The following ERC1 variants were observed in gnomAD, a reference collection of about 807,000 sequenced individuals.
ERC1 encodes the protein ELKS/RAB6-interacting/CAST family member 1.
In ERC1, 56 loss-of-function variants were observed where a neutral mutation model predicts 132.0. That is an observed-to-expected ratio of 0.42 (90% CI 0.34 to 0.53). The LOEUF (loss-of-function observed/expected upper bound fraction) is 0.53. ERC1 is among the 20% of genes least tolerant of loss of function. The probability of loss-of-function intolerance (pLI) is 0.03; values close to 1 mark genes in which losing one functional copy is unlikely to be tolerated. For synonymous variants in ERC1, 478 were observed against 476.1 expected (o/e 1.00, Z -0.05); for missense variants, 1,202 against 1,349.9 (o/e 0.89, Z 1.72).
At chr12:1,423,050 A>G (rs1337075632) in intron 17 of ERC1, among the ~76,000 whole-genome samples, 4 of 152,182 alleles carry the variant, frequency 2.6e-5, no homozygotes, top group African/African-American at 9.7e-5. Flanking sequence ...GAGTTCCTAC[A>G]TAAACAAACT....
At chr12:1,268,363 T>C (rs1301597121) in intron 14 of ERC1, among the ~76,000 whole-genome samples, 1 of 152,248 alleles carries the variant, frequency 6.6e-6, no homozygotes, top group African/African-American at 2.4e-5. Context: ...AAAAAAATCT[T>C]GTGCTTTTCC....
intron 12 of ERC1, among the ~76,000 whole-genome samples, chr12:1,219,117 C>G (rs999568942): frequency 7.2e-5 from 11 of 152,118 alleles, no homozygotes; most frequent in African/African-American, 2.7e-4. Flanking sequence ...AGGTGATCCA[C>G]CCGCCTTGGC....
intron 8 of ERC1, among the ~76,000 whole-genome samples, chr12:1,159,804 C>T (rs1017496196): frequency 9.9e-5 from 15 of 152,032 alleles, no homozygotes; most frequent in East Asian, 1.9e-4. Context: ...ATTCATGTTC[C>T]GTTCACGGCC....
chr12:1,421,716 G>GAAA (rs2092436558), intron 17 of ERC1, among the ~76,000 whole-genome samples: 1 of 152,034 alleles, frequency 6.6e-6, no homozygotes, highest in East Asian at 1.9e-4. Context: ...AGCAATTTTA[G>GAAA]AAAAGTAAGC....
chr12:1,260,860 C>T (rs566135151), intron 13 of ERC1, among the ~76,000 whole-genome samples: 1 of 152,106 alleles, frequency 6.6e-6, no homozygotes, highest in East Asian at 1.9e-4. Context: ...CAGCCATTTC[C>T]TTTTATTTGT....
At chr12:1,163,620 A>G (rs1335532060) in intron 8 of ERC1, among the ~76,000 whole-genome samples, 1 of 152,236 alleles carries the variant, frequency 6.6e-6, no homozygotes, top group Non-Finnish European at 1.5e-5. Context: ...GGAAGTGTCT[A>G]TGATTGGATG....
intron 2 of ERC1, among the ~76,000 whole-genome samples, chr12:1,068,989 G>C (rs1449833647): frequency 6.6e-6 from 1 of 152,068 alleles, no homozygotes. Flanking sequence ...AGAAACATAA[G>C]GTCTTATATT....
intron 12 of ERC1, among the ~76,000 whole-genome samples, chr12:1,226,743 C>A (rs764621425): frequency 3.9e-5 from 6 of 152,174 alleles, no homozygotes; most frequent in South Asian, 4.1e-4. Flanking sequence ...GTGGCGTAGT[C>A]TCGGCTCACT....
intron 17 of ERC1, among the ~76,000 whole-genome samples, chr12:1,417,731 A>G (rs11608725): frequency 0.015 from 2,309 of 151,604 alleles, 27 homozygotes; most frequent in Non-Finnish European, 0.026. Context: ...CAGTGAGCCA[A>G]GATTGTGCCA....
intron 1 of ERC1, among the ~76,000 whole-genome samples, chr12:1,015,404 A>AT (rs951297167): frequency 3.3e-5 from 5 of 151,888 alleles, no homozygotes; most frequent in South Asian, 2.1e-4. Context: ...CCTGAAAGAA[A>AT]TTTTTTTTAA....
intron 15 of ERC1, among the ~76,000 whole-genome samples, chr12:1,353,238 G>A (rs899687215): frequency 1.3e-5 from 2 of 151,962 alleles, no homozygotes; most frequent in Admixed American, 6.6e-5. Flanking sequence ...CACCGTGTTA[G>A]CCAGGATGGT....
At chr12:1,156,101 A>G (rs1377586324) in intron 8 of ERC1, among the ~76,000 whole-genome samples, 2 of 152,146 alleles carry the variant, frequency 1.3e-5, no homozygotes, top group East Asian at 1.9e-4. Context: ...AAACATTTTA[A>G]TATCATCTTA....
At chr12:1,444,006 C>T (rs2093234902) in intron 17 of ERC1, 1 of 152,510 alleles carries the variant, frequency 6.6e-6, no homozygotes, top group East Asian at 1.9e-4. Context: ...ATGAGAAGAG[C>T]ATAAGCCAGG....
intron 15 of ERC1, among the ~76,000 whole-genome samples, chr12:1,309,769 T>C (rs2081155907): frequency 6.6e-6 from 1 of 150,846 alleles, no homozygotes; most frequent in Non-Finnish European, 1.5e-5. Context: ...TGACGGAAAC[T>C]AGTTAAGGTC....
chr12:1,293,089 A>G (rs998415095), intron 15 of ERC1, among the ~76,000 whole-genome samples: 1 of 150,292 alleles, frequency 6.7e-6, no homozygotes, highest in African/African-American at 2.5e-5. Flanking sequence ...GGTTGCAGTG[A>G]GCTGAGATTG....
At chr12:1,317,391 C>T (rs7302991) in intron 15 of ERC1, among the ~76,000 whole-genome samples, 18 of 152,002 alleles carry the variant, frequency 1.2e-4, no homozygotes, top group Non-Finnish European at 2.2e-4. Flanking sequence ...ACATCACACA[C>T]GGCCTGTCGG....
intron 2 of ERC1, among the ~76,000 whole-genome samples, chr12:1,079,165 C>G (rs1208207327): frequency 1.4e-5 from 2 of 142,604 alleles, no homozygotes; most frequent in Non-Finnish European, 3.1e-5. Context: ...TACAGAGATA[C>G]AGATAGAAAT....
At chr12:1,112,041 A>G (rs973153628) in intron 5 of ERC1, among the ~76,000 whole-genome samples, 174 bp from the exon 6 acceptor site, 2 of 31,142 alleles carry the variant, frequency 6.4e-5, no homozygotes, top group African/African-American at 1.8e-4. Flanking sequence ...GTGGGGGGAA[A>G]AAACCTGTGA....
chr12:1,314,831 ATCTG>A (rs1371552054), intron 15 of ERC1, among the ~76,000 whole-genome samples: 1 of 152,134 alleles, frequency 6.6e-6, no homozygotes, highest in African/African-American at 2.4e-5. Context: ...TTTTGTTTCA[ATCTG>A]TCTGTCCATT....
Sources: allele counts gnomAD v4.1 joint callset (sites outside exome capture counted in the v4.1 genomes callset), GRCh38; gene constraint gnomAD v4.1.1; transcripts MANE v1.5; gene names NCBI Gene and HGNC (gene_info 2026-07-23, HGNC 2026-07-21).